Variants in ANKS1A observed in about 807,000 individuals in gnomAD.
The protein encoded by ANKS1A is ankyrin repeat and sterile alpha motif domain containing 1A.
In ANKS1A, 55 loss-of-function variants were observed where a neutral mutation model predicts 120.3. The observed-to-expected ratio is 0.46, with a 90% CI of 0.37 to 0.57. The LOEUF is 0.57. ANKS1A is among the 20% of genes least tolerant of loss of function. The probability of loss-of-function intolerance (pLI) is 0.00; values close to 1 mark genes in which losing one functional copy is unlikely to be tolerated. For synonymous variants in ANKS1A, 590 were observed against 604.7 expected (o/e 0.98, Z 0.36); for missense variants, 1,123 against 1,480.3 (o/e 0.76, Z 3.96).
chr6:34,948,617 T>C (rs1197089582), intron 1 of ANKS1A, among the ~76,000 whole-genome samples: 1 of 152,198 alleles, frequency 6.6e-6, no homozygotes, highest in Non-Finnish European at 1.5e-5. Context: ...CTCAAAGTGC[T>C]CTAGCTTCCT....
At chr6:34,951,604 T>C (rs1770095820) in intron 1 of ANKS1A, among the ~76,000 whole-genome samples, 2 of 152,244 alleles carry the variant, frequency 1.3e-5, no homozygotes, top group South Asian at 4.1e-4. Flanking sequence ...TAGACTCTGA[T>C]AATAAATTTC....
At position 35,086,526 on chromosome 6, in the gene ANKS1A, TTTCTG is replaced by T. The variant is rs1777994271; in HGVS notation, c.3304-423_3304-419del. ...TGTGTGTGCTTCAGCCCTCTCTGTT[TTTCTG>T]TTGTGTGTCCTCTCTCCAGAGGTCT... On this transcript the variant is annotated intron_variant, in intron 22 of 23. Coordinates refer to ENST00000360359, the MANE Select transcript of ANKS1A (RefSeq NM_015245.3). This position sits in a 1 kb window ranked among gnomAD's most constrained non-coding sequence, Gnocchi z 5.1. Among the ~76,000 whole-genome samples, 1 of 151,900 alleles carries T rather than the reference TTTCTG, an allele frequency of 6.6e-6. No individual in the cohort carries two copies. Among genetic ancestry groups the T allele is most frequent in the African/African-American group, 2.4e-5 (1 of 41,340 alleles).
intron 9 of ANKS1A, 77 bp from the exon 10 acceptor site, chr6:34,994,225 A>G: frequency 1.3e-5 from 20 of 1,541,334 alleles, no homozygotes; most frequent in Non-Finnish European, 1.8e-5. Context: ...AGAGCCAATA[A>G]TCTCGAATTT....
chr6:34,987,638 A>G (rs1477108711), intron 8 of ANKS1A, among the ~76,000 whole-genome samples: 1 of 152,232 alleles, frequency 6.6e-6, no homozygotes, highest in East Asian at 1.9e-4. Context: ...TTGGGCATCC[A>G]TCTGGTTCCA....
intron 1 of ANKS1A, among the ~76,000 whole-genome samples, chr6:34,933,129 A>G (rs958793497): frequency 1.3e-5 from 2 of 152,078 alleles, no homozygotes; most frequent in Non-Finnish European, 2.9e-5. Flanking sequence ...TGGAAAGATG[A>G]TTTTTCAAAT....
chr6:34,929,391 G>T (rs959028722), intron 1 of ANKS1A, among the ~76,000 whole-genome samples: 5 of 152,158 alleles, frequency 3.3e-5, no homozygotes, highest in African/African-American at 1.2e-4. Context: ...CTGTTTAGCA[G>T]TATCTGCCTG....
chr6:35,047,272 G>A (rs956525600), intron 11 of ANKS1A, among the ~76,000 whole-genome samples: 15 of 152,170 alleles, frequency 9.9e-5, no homozygotes, highest in Non-Finnish European at 1.8e-4. Flanking sequence ...TATAAGACAG[G>A]TGTTCCCCTG....
At position 35,021,164 on chromosome 6, in the gene ANKS1A, G is replaced by C. The variant is rs577368085; in HGVS notation, c.2010+3105G>C. 2.2e-4 allele frequency among the ~76,000 whole-genome samples: 34 copies of C among 152,324 alleles called. No individual in the cohort carries two copies. The South Asian group carries it at 6.4e-3, about 29-fold the overall frequency. ...TCCTGGAATAGGGCATTAGTTAATG[G>C]CTGCTCCCCACCCTATCCCTGACCA... On this transcript the variant is annotated intron_variant, in intron 11 of 23. Coordinates refer to ENST00000360359, the MANE Select transcript of ANKS1A (RefSeq NM_015245.3).
At chr6:35,064,179 C>T (rs1027451910) in intron 13 of ANKS1A, among the ~76,000 whole-genome samples, 6 of 152,158 alleles carry the variant, frequency 3.9e-5, no homozygotes, top group African/African-American at 1.4e-4. Context: ...TAGTGCCCCA[C>T]ACCAGGCAAA....
At chr6:35,015,516 G>A (rs1224621260) in intron 10 of ANKS1A, among the ~76,000 whole-genome samples, 1 of 152,046 alleles carries the variant, frequency 6.6e-6, no homozygotes, top group Non-Finnish European at 1.5e-5. Flanking sequence ...AAATAAAGAA[G>A]TGTAGAGGAG....
At chr6:34,947,305 C>T (rs1769854336) in intron 1 of ANKS1A, among the ~76,000 whole-genome samples, 1 of 151,870 alleles carries the variant, frequency 6.6e-6, no homozygotes, top group African/African-American at 2.4e-5. Context: ...CGCCACCATG[C>T]CTGACTAATT....
chr6:34,985,210 T>C lies in ANKS1A; in HGVS notation c.1141T>C (p.Ser381Pro). The change falls in exon 8 of 24, where the codon TCA becomes CCA. Residue 381 changes from serine (S) to proline (P), a missense_variant. Coordinates refer to ENST00000360359, the MANE Select transcript of ANKS1A (RefSeq NM_015245.3). The part of the protein sequence containing the change: ...HSLDSMASGR[S>P]SDQDSTNKEA... The stretch of plus-strand genomic sequence containing the variant: ...GTTGGACAGCATGGCCAGCGGGCGA[T>C]CATCTGACCAAGACTCCACGAACAA... 1 of 1,614,182 alleles carries C rather than the reference T, an allele frequency of 6.2e-7. No homozygotes were observed. Among genetic ancestry groups the C allele is most frequent in the East Asian group, 2.2e-5 (1 of 44,882 alleles).
At chr6:35,079,440 G>A in intron 14 of ANKS1A, 76 bp from the exon 15 acceptor site, 1 of 1,575,990 alleles carries the variant, frequency 6.3e-7, no homozygotes, top group South Asian at 1.2e-5. Context: ...TGTGTGAGCT[G>A]GCTGGGTCCA....
At chr6:34,958,177 C>T (rs1264176121) in intron 1 of ANKS1A, among the ~76,000 whole-genome samples, 1 of 152,098 alleles carries the variant, frequency 6.6e-6, no homozygotes, top group Non-Finnish European at 1.5e-5. Flanking sequence ...AAAACTCCCT[C>T]CCGCTCCCTT....
chr6:34,947,737 C>G (rs991965945), intron 1 of ANKS1A, among the ~76,000 whole-genome samples: 5 of 152,190 alleles, frequency 3.3e-5, no homozygotes, highest in Middle Eastern at 3.2e-3. Context: ...GTCTCGTACT[C>G]CTCAGTTGGG....
At chr6:34,980,731 C>CTTACTTTAT (rs1417458921) in intron 3 of ANKS1A, among the ~76,000 whole-genome samples, 4 of 152,164 alleles carry the variant, frequency 2.6e-5, no homozygotes, top group Non-Finnish European at 5.9e-5. Flanking sequence ...GGTCATGGGA[C>CTTACTTTAT]TTACTTTATT....
chr6:34,949,207 T>C (rs1339949745), intron 1 of ANKS1A, among the ~76,000 whole-genome samples: 1 of 152,194 alleles, frequency 6.6e-6, no homozygotes, highest in Non-Finnish European at 1.5e-5. Flanking sequence ...CTTTGAAGAA[T>C]GCTTGAGATT....
intron 3 of ANKS1A, 75 bp downstream of exon 3, chr6:34,970,241 C>T (rs1581569457): frequency 4.1e-6 from 6 of 1,473,676 alleles, no homozygotes; most frequent in East Asian, 4.7e-5. Flanking sequence ...CATCTTAGCC[C>T]CATAGTTCAA....
At chr6:34,966,725 TA>T (rs1022167347) in intron 1 of ANKS1A, among the ~76,000 whole-genome samples, 23 of 152,346 alleles carry the variant, frequency 1.5e-4, no homozygotes, top group African/African-American at 4.8e-4. Flanking sequence ...TATAGATTGT[TA>T]TTTTTTTAAT....
Sources: allele counts gnomAD v4.1 joint callset (sites outside exome capture counted in the v4.1 genomes callset), GRCh38; gene constraint gnomAD v4.1.1; non-coding constraint Gnocchi (gnomAD v3.1); transcripts MANE v1.5; gene names NCBI Gene and HGNC (gene_info 2026-07-23, HGNC 2026-07-21).